SUN1: variants seen among roughly 807,000 people sequenced by gnomAD.
SUN1 encodes SUN domain-containing protein 1.
A neutral mutation model predicts 103.2 loss-of-function variants in SUN1; 61 were observed. That is an observed-to-expected ratio of 0.59 (90% CI 0.48 to 0.73). The LOEUF is 0.73. Among genes scored for constraint, SUN1 ranks in the 30% least tolerant of loss-of-function variants. SUN1 has a pLI of 0.00. For synonymous variants in SUN1, 490 were observed against 425.7 expected, an observed-to-expected ratio of 1.15 and a Z score of -1.86; for missense variants, 1,052 against 1,034.6, an observed-to-expected ratio of 1.02 and a Z score of -0.23.
chr7:874,513 C>T lies in SUN1; in HGVS notation c.*1182C>T, dbSNP rs1249190201. 3 of 152,560 alleles carry T rather than the reference C, an allele frequency of 2.0e-5. No individual in the cohort carries two copies. Among genetic ancestry groups the T allele is most frequent in the African/African-American group, 7.2e-5 (3 of 41,428 alleles). 9.5% of individuals were successfully genotyped at this position (152,560 alleles called of 1,614,324 possible). A position where few individuals can be genotyped will look rare whatever the true frequency, so the allele number is the denominator to read the frequency against. ...TAAATGTTGTGTTTTCAGAAAAAGA[C>T]AAAACGATGGTGCTGACTGGTTTTC... is the stretch of plus-strand genomic sequence containing the variant. On this transcript the variant is annotated 3_prime_UTR_variant, in exon 19 of 19. Coordinates refer to ENST00000401592, the MANE Select transcript of SUN1 (RefSeq NM_001130965.3).
intron 16 of SUN1, 199 bp from the exon 17 acceptor site, chr7:869,150 A>G: frequency 1.5e-6 from 1 of 649,386 alleles, no homozygotes; most frequent in Non-Finnish European, 2.7e-6. Flanking sequence ...CTTTTATACA[A>G]CATATGGGTT....
intron 1 of SUN1, among the ~76,000 whole-genome samples, chr7:820,974 G>A (rs1460434423): frequency 2.0e-5 from 3 of 151,964 alleles, no homozygotes; most frequent in Non-Finnish European, 4.4e-5. Context: ...TCCATTGCAT[G>A]CTTATGACTC....
chr7:815,904 GGAA>G (rs930714545), upstream of SUN1: 9 of 223,226 alleles, frequency 4.0e-5, no homozygotes, highest in African/African-American at 2.1e-4. Context: ...GGAGACGTGC[GGAA>G]GGCCAAGGAG....
At chr7:848,414 A>G in intron 5 of SUN1, 1 of 1,350,602 alleles carries the variant, frequency 7.4e-7, no homozygotes, top group Non-Finnish European at 9.8e-7. Context: ...TGGTTTTTTA[A>G]TAGGCGGTGC....
intron 10 of SUN1, 94 bp from the exon 11 acceptor site, chr7:854,826 G>T (rs1335878784): frequency 2.4e-6 from 2 of 822,090 alleles, no homozygotes; most frequent in African/African-American, 1.7e-5. Flanking sequence ...TTCTCTGATT[G>T]TCGGTATTCC....
intron 5 of SUN1, chr7:850,653 C>G (rs930304513): frequency 4.6e-5 from 7 of 152,066 alleles, no homozygotes; most frequent in Non-Finnish European, 8.8e-5. Context: ...GAGATAGCCA[C>G]CCACAGTGAG....
chr7:851,341 T>G (rs7792674), intron 5 of SUN1, 43 bp from the exon 6 acceptor site: 9 of 1,524,802 alleles, frequency 5.9e-6, no homozygotes. Flanking sequence ...CAGAGGCTGG[T>G]CCCTGGCGTC....
In SUN1 at chr7:853,655, C is replaced by G. The variant is rs770287297; in HGVS notation, c.1263+37C>G. 5.7e-6 allele frequency: 9 copies of G among 1,589,154 alleles called. No homozygotes were observed. The Admixed American group carries it at 8.5e-5, about 15-fold the overall frequency. The stretch of plus-strand genomic sequence containing the variant: ...CGGGCTACCAGGCTCCATGGTGACA[C>G]CAACGCGCTTCTGGGTGCCATGTTC... On this transcript the variant is annotated intron_variant, in intron 10 of 18. Transcript: ENST00000401592.
intron 5 of SUN1, among the ~76,000 whole-genome samples, chr7:847,177 A>T (rs1190774298): frequency 6.6e-6 from 1 of 152,062 alleles, no homozygotes; most frequent in Non-Finnish European, 1.5e-5. Flanking sequence ...CGGCTCGGGT[A>T]CTCTGTAGAT....
intron 1 of SUN1, chr7:817,420 A>C (rs554451368): frequency 6.5e-7 from 1 of 1,535,760 alleles, no homozygotes. Flanking sequence ...GGTGCAAAAT[A>C]AGCAGCGGCG....
In SUN1 at chr7:851,458, C is replaced by A; in HGVS notation, c.733C>A (p.Leu245Ile). 6.2e-7 allele frequency: 1 copy of A among 1,608,672 alleles called. No individual in the cohort carries two copies. Residue 245 changes from leucine (L) to isoleucine (I), a missense_variant, in exon 6 of 19, where the codon CTT becomes ATT. Around this residue, in one of 2 missense-constraint regions of SUN1, gnomAD observed 846 missense variants for 774.5 expected, o/e 1.09. Transcript: ENST00000401592. ...TGTGTCCAGGACGGCGTGGTCGGCCCTTTGGCTGGCCGTGGTTGCTCCAGG... is the reference window on the plus strand; with the variant it reads ...TGTGTCCAGGACGGCGTGGTCGGCCATTTGGCTGGCCGTGGTTGCTCCAGG... The part of the protein sequence containing the change: ...QAVSRTAWSA[L>I]WLAVVAPGKA...
intron 1 of SUN1, among the ~76,000 whole-genome samples, chr7:836,612 G>T (rs761346533): frequency 4.6e-5 from 7 of 152,232 alleles, no homozygotes; most frequent in Admixed American, 6.5e-5. Flanking sequence ...AGGCTGTCCA[G>T]CAGGAGGAGC....
At chr7:853,922 G>T (rs1448617568) in intron 10 of SUN1, among the ~76,000 whole-genome samples, 1 of 152,184 alleles carries the variant, frequency 6.6e-6, no homozygotes, top group Non-Finnish European at 1.5e-5. Flanking sequence ...CTGTTCTCCA[G>T]ATTGCCCTCT....
intron 5 of SUN1, among the ~76,000 whole-genome samples, chr7:845,982 A>T (rs1424943766): frequency 6.6e-6 from 1 of 152,106 alleles, no homozygotes; most frequent in East Asian, 1.9e-4. Flanking sequence ...CACCTGCAGG[A>T]CTGTGCAGTT....
chr7:874,247 T>G lies in SUN1; in HGVS notation c.*916T>G, dbSNP rs1178204542. ...AACCCGTTACATTTCAGGACGATCC[T>G]TTTTCCTTCAGCAGCATTTCTTACT... On this transcript the variant is annotated 3_prime_UTR_variant, in exon 19 of 19. Transcript: ENST00000401592. 1 of 152,588 alleles carries G rather than the reference T, an allele frequency of 6.6e-6. No individual in the cohort carries two copies. The highest frequency in any genetic ancestry group is 1.5e-5 in the Non-Finnish European group (1 of 68,046). 9.5% of individuals were successfully genotyped at this position (152,588 alleles called of 1,614,324 possible). A position where few individuals can be genotyped will look rare whatever the true frequency, so the allele number is the denominator to read the frequency against.
rs774990499 is a variant in SUN1, at chr7:866,055, C to T, written c.1968C>T (p.Arg656=). 56 of 1,613,936 alleles carry T rather than the reference C, an allele frequency of 3.5e-5. No homozygotes were observed. Among genetic ancestry groups the T allele is most frequent in the Admixed American group, 1.0e-4 (6 of 60,000 alleles). ...TGTGGTACTTCTCGCAGTCCCCGCG[C>T]GTGGTCATCCAGGTGAGTGGCCGCC... ...IPLWYFSQSP[R]VVIQPDIYPG... The change falls in exon 16 of 19, where the codon CGC becomes CGT. Residue 656 remains arginine (R), a synonymous_variant. Coordinates refer to ENST00000401592, the MANE Select transcript of SUN1 (RefSeq NM_001130965.3).
chr7:838,394 A>C (rs73043601), intron 1 of SUN1, among the ~76,000 whole-genome samples: 5,861 of 152,346 alleles, frequency 0.038, 177 homozygotes, highest in Non-Finnish European at 0.062. Flanking sequence ...GCGTGGATTC[A>C]TTCTACGGCG....
intron 15 of SUN1, 47 bp from the exon 16 acceptor site, chr7:865,905 A>C: frequency 6.5e-7 from 1 of 1,547,472 alleles, no homozygotes; most frequent in Non-Finnish European, 8.9e-7. Context: ...TATTGCTTCC[A>C]AAATGGTGGA....
intron 5 of SUN1, chr7:850,023 G>A (rs1486245544): frequency 1.9e-6 from 3 of 1,590,400 alleles, no homozygotes; most frequent in Non-Finnish European, 2.6e-6. Flanking sequence ...GGCACATCTG[G>A]GCATGTGCAG....
Sources: gnomAD v4.1 joint callset for allele counts (sites outside exome capture counted in the v4.1 genomes callset) on GRCh38, gnomAD v4.1.1 for gene constraint, gnomAD v4.1.1 regional missense constraint, MANE v1.5 for transcripts, NCBI Gene and HGNC (gene_info 2026-07-23, HGNC 2026-07-21) for gene names.